Variants in PRKD1 observed in about 807,000 individuals in gnomAD.
PRKD1 encodes protein kinase D1.
Under a neutral mutation model 95.9 loss-of-function variants are expected in PRKD1, and 63 were observed. The ratio of observed to expected loss-of-function variants is 0.66; its 90% CI spans 0.54 to 0.81. The LOEUF (loss-of-function observed/expected upper bound fraction) is 0.81, where lower values mean the gene tolerates loss of function less well. Ranked by LOEUF, PRKD1 falls within the 30% of genes least tolerant of loss-of-function variation. The pLI is 0.00. For synonymous variants in PRKD1, 425 were observed against 423.1 expected (o/e 1.00, Z -0.05); for missense variants, 1,048 against 1,165.3 (o/e 0.90, Z 1.47).
Position 29,630,844 on chromosome 14 carries a change from C to A in PRKD1, c.1570G>T (p.Val524Phe), listed in dbSNP as rs369255115. ...CACATCCTGGCCACATCTGCACCAA[C>A]GCCACTGGTGAGAACACTGTTATTT... ...SPNNSVLTSGVGADVARMWEI... is the reference protein window; with the variant it reads ...SPNNSVLTSGFGADVARMWEI... The change falls in exon 10 of 18, where the codon GTT becomes TTT. Residue 524 changes from valine to phenylalanine, a missense_variant. Physicochemically the swap from Val to Phe is conservative, Grantham distance 50. Coordinates refer to ENST00000331968, the MANE Select transcript of PRKD1 (RefSeq NM_002742.3). 3.7e-6 allele frequency: 6 copies of A among 1,613,976 alleles called. No homozygotes were observed. The African/African-American group carries it at 8.0e-5, about 22-fold the overall frequency.
intron 1 of PRKD1, among the ~76,000 whole-genome samples, chr14:29,865,457 C>T (rs1016308240): frequency 1.3e-5 from 2 of 152,152 alleles, no homozygotes; most frequent in Non-Finnish European, 2.9e-5. Context: ...TCCTTGAGGG[C>T]TCTGCCCTCA....
In PRKD1 at chr14:29,597,684, G is replaced by A. The variant is rs147092748; in HGVS notation, c.2241C>T (p.Pro747=). Residue 747 remains proline (P), a synonymous_variant, in exon 16 of 18, where the codon CCC becomes CCT. Transcript: ENST00000331968. ...TTAGGACCTCAGGAGCCAGGTAAGCGGGGGTACCCACCACTGACCTCCGGA... is the reference window on the plus strand; with the variant it reads ...TTAGGACCTCAGGAGCCAGGTAAGCAGGGGTACCCACCACTGACCTCCGGA... ...KSFRRSVVGT[P]AYLAPEVLRN... 91 of 1,613,774 alleles carry A rather than the reference G, an allele frequency of 5.6e-5. 1 individual carries two copies. The highest frequency in any genetic ancestry group is 1.6e-4 in the African/African-American group (12 of 74,886).
At chr14:29,824,973 T>C (rs1891052983) in intron 1 of PRKD1, among the ~76,000 whole-genome samples, 2 of 152,100 alleles carry the variant, frequency 1.3e-5, no homozygotes, top group South Asian at 4.1e-4. Flanking sequence ...GCCAGATAAT[T>C]ATCACCTCAA....
At chr14:29,777,288 T>A in intron 1 of PRKD1, among the ~76,000 whole-genome samples, 1 of 152,200 alleles carries the variant, frequency 6.6e-6, no homozygotes, top group East Asian at 1.9e-4. Flanking sequence ...AATTCACACA[T>A]AACAGTATTA....
intron 4 of PRKD1, among the ~76,000 whole-genome samples, chr14:29,640,351 A>G (rs45551637): frequency 0.028 from 4,266 of 152,298 alleles, 178 homozygotes; most frequent in African/African-American, 0.091. Context: ...TTCAATCCCT[A>G]TCTGTACCAA....
intron 13 of PRKD1, among the ~76,000 whole-genome samples, chr14:29,610,448 C>T (rs996502657): frequency 2.0e-5 from 3 of 152,006 alleles, no homozygotes; most frequent in Admixed American, 6.6e-5. Context: ...CAGGGAAATG[C>T]AAAATAAAAT....
At chr14:29,866,509 G>T (rs967837234) in intron 1 of PRKD1, among the ~76,000 whole-genome samples, 2 of 152,182 alleles carry the variant, frequency 1.3e-5, no homozygotes, top group African/African-American at 4.8e-5. Flanking sequence ...CACTCAAGGT[G>T]TTTAAGTCTA....
chr14:29,707,316 G>A (rs1470331954), intron 2 of PRKD1, among the ~76,000 whole-genome samples: 2 of 152,158 alleles, frequency 1.3e-5, no homozygotes, highest in Non-Finnish European at 2.9e-5. Context: ...ATTCCAGTGA[G>A]AAAGGTGGGA....
chr14:29,720,483 A>AAAC (rs1885832749), intron 2 of PRKD1, among the ~76,000 whole-genome samples: 3 of 151,940 alleles, frequency 2.0e-5, no homozygotes, highest in African/African-American at 7.3e-5. Flanking sequence ...AACAAACAAA[A>AAAC]AAAATCCTGA....
In PRKD1 at chr14:29,676,177, G is replaced by GTTTTTTTTTTTTTTTTTTTTTTTTT. The variant is rs147308040; in HGVS notation, c.404-9970_404-9969insAAAAAAAAAAAAAAAAAAAAAAAAA. Among the ~76,000 whole-genome samples, 39 of 104,728 alleles carry GTTTTTTTTTTTTTTTTTTTTTTTTT rather than the reference G, an allele frequency of 3.7e-4. 5 individuals are homozygous for GTTTTTTTTTTTTTTTTTTTTTTTTT. Among genetic ancestry groups the GTTTTTTTTTTTTTTTTTTTTTTTTT allele is most frequent in the South Asian group, 1.1e-3 (3 of 2,836 alleles). 68.7% of individuals were successfully genotyped at this position (104,728 alleles called of 152,430 possible). ...GCTGTAGGCATGCATAGTTCATTAC[G>GTTTTTTTTTTTTTTTTTTTTTTTTT]TTTTTGTTTTTTTTTTTTTTTTTTT... On this transcript the variant is annotated intron_variant, in intron 2 of 17. Coordinates refer to ENST00000331968, the MANE Select transcript of PRKD1 (RefSeq NM_002742.3).
intron 1 of PRKD1, among the ~76,000 whole-genome samples, chr14:29,869,443 GAAA>G (rs769297951): frequency 8.6e-6 from 1 of 116,302 alleles, no homozygotes; most frequent in African/African-American, 3.2e-5. Flanking sequence ...ATCTCAAAAA[GAAA>G]AAAAAAAAAA....
At chr14:29,868,482 G>C (rs1374685664) in intron 1 of PRKD1, among the ~76,000 whole-genome samples, 2 of 152,154 alleles carry the variant, frequency 1.3e-5, no homozygotes, top group South Asian at 4.1e-4. Context: ...GTAGCCTTAT[G>C]CTGTAAAGAA....
intron 1 of PRKD1, among the ~76,000 whole-genome samples, chr14:29,737,284 T>G (rs889195214): frequency 2.7e-4 from 32 of 120,676 alleles, no homozygotes; most frequent in African/African-American, 1.0e-3. Flanking sequence ...ATTGCGCCAC[T>G]GCAGTCCGCA....
chr14:29,884,753 A>T (rs1453397873), intron 1 of PRKD1, among the ~76,000 whole-genome samples: 1 of 152,202 alleles, frequency 6.6e-6, no homozygotes, highest in Non-Finnish European at 1.5e-5. Flanking sequence ...GAGGCTGAGG[A>T]TGCAGAGTGG....
chr14:29,705,120 G>A (rs906062405), intron 2 of PRKD1, among the ~76,000 whole-genome samples: 1 of 152,070 alleles, frequency 6.6e-6, no homozygotes, highest in African/African-American at 2.4e-5. Flanking sequence ...ACGTCGATAT[G>A]TTATCCTCTA....
intron 4 of PRKD1, among the ~76,000 whole-genome samples, chr14:29,660,867 T>C (rs1289650147): frequency 1.3e-5 from 2 of 152,158 alleles, no homozygotes; most frequent in Non-Finnish European, 2.9e-5. Context: ...TGTGTTCCAC[T>C]TAAGAATCTG....
At chr14:29,913,883 G>T (rs570909963) in intron 1 of PRKD1, among the ~76,000 whole-genome samples, 5 of 152,310 alleles carry the variant, frequency 3.3e-5, no homozygotes, top group Admixed American at 1.3e-4. Context: ...CAGACCTCTA[G>T]TACAGCTGGA....
At chr14:29,843,387 T>C (rs1413555989) in intron 1 of PRKD1, among the ~76,000 whole-genome samples, 1 of 152,004 alleles carries the variant, frequency 6.6e-6, no homozygotes, top group African/African-American at 2.4e-5. Flanking sequence ...TTATGGCAGC[T>C]CCAGAAAATA....
intron 6 of PRKD1, among the ~76,000 whole-genome samples, chr14:29,637,252 G>T (rs1880448513): frequency 6.6e-6 from 1 of 152,152 alleles, no homozygotes; most frequent in Non-Finnish European, 1.5e-5. Flanking sequence ...GAGTAACTTT[G>T]AAAATCACGA....
Sources: gnomAD v4.1 joint callset for allele counts (sites outside exome capture counted in the v4.1 genomes callset) on GRCh38, gnomAD v4.1.1 for gene constraint, MANE v1.5 for transcripts, NCBI Gene and HGNC (gene_info 2026-07-23, HGNC 2026-07-21) for gene names.